The following NAV3 variants were observed in gnomAD, a reference collection of about 807,000 sequenced individuals.
NAV3 encodes the protein pore membrane and/or filament interacting like protein 1.
Under a neutral mutation model 244.7 loss-of-function variants are expected in NAV3, and 87 were observed. That is an observed-to-expected ratio of 0.36 (90% confidence interval 0.30 to 0.42). The LOEUF (loss-of-function observed/expected upper bound fraction) is 0.42, where lower values mean the gene tolerates loss of function less well. NAV3 is among the 20% of genes least tolerant of loss of function. The probability of loss-of-function intolerance (pLI) is 1.00; values close to 1 mark genes in which losing one functional copy is unlikely to be tolerated. For synonymous variants in NAV3, 1,126 were observed against 1,042.2 expected, an observed-to-expected ratio of 1.08 and a Z score of -1.55; for missense variants, 2,663 against 2,893.3, an observed-to-expected ratio of 0.92 and a Z score of 1.83.
chr12:77,880,430 C>A (rs964691672), intron 1 of NAV3, among the ~76,000 whole-genome samples: 1 of 152,018 alleles, frequency 6.6e-6, no homozygotes, highest in East Asian at 1.9e-4. Flanking sequence ...AAGCAGAAAT[C>A]CTTTGAACTA....
At chr12:78,101,939 T>C (rs1321874268) in intron 12 of NAV3, among the ~76,000 whole-genome samples, 1 of 152,218 alleles carries the variant, frequency 6.6e-6, no homozygotes, top group Non-Finnish European at 1.5e-5. Context: ...AAAGTATATC[T>C]CTTTCTTGGT....
At chr12:77,812,473 C>T (rs7980642) in intron 2 of NAV3, among the ~76,000 whole-genome samples, 38,105 of 150,878 alleles carry the variant, frequency 0.25, 5,868 homozygotes, top group East Asian at 0.4. Context: ...TGCAGTGTGG[C>T]ACTATCTCGG....
chr12:77,821,213 C>G (rs1250746408), intron 2 of NAV3, among the ~76,000 whole-genome samples: 1 of 151,904 alleles, frequency 6.6e-6, no homozygotes, highest in African/African-American at 2.4e-5. Flanking sequence ...CTGGGTGGTT[C>G]CTAGAAAGGA....
intron 1 of NAV3, among the ~76,000 whole-genome samples, chr12:77,923,604 A>G (rs991476467): frequency 6.6e-6 from 1 of 152,092 alleles, no homozygotes; most frequent in Non-Finnish European, 1.5e-5. Context: ...AAACAAAATG[A>G]CCTATTTGTA....
chr12:77,988,405 T>C (rs1446584886), intron 5 of NAV3, among the ~76,000 whole-genome samples: 1 of 152,212 alleles, frequency 6.6e-6, no homozygotes. Flanking sequence ...ACACTGAAGC[T>C]GAAATAGGAA....
At chr12:78,064,450 C>T (rs950072312) in intron 12 of NAV3, among the ~76,000 whole-genome samples, 1 of 151,606 alleles carries the variant, frequency 6.6e-6, no homozygotes, top group African/African-American at 2.4e-5. Context: ...TGCCTGCCTG[C>T]CTGCCTGCCT....
intron 28 of NAV3, 135 bp downstream of exon 28, chr12:78,177,820 A>T: frequency 1.2e-6 from 1 of 823,520 alleles, no homozygotes; most frequent in East Asian, 2.9e-5. Flanking sequence ...TTTCAACTAA[A>T]ATTTGGTTTC....
chr12:77,634,522 A>G (rs1188387676), intron 2 of NAV3, among the ~76,000 whole-genome samples: 1 of 152,216 alleles, frequency 6.6e-6, no homozygotes, highest in Non-Finnish European at 1.5e-5. Context: ...TGTAAGCAAG[A>G]TGGTTATAAA....
At chr12:77,709,893 A>T (rs919383706) in intron 2 of NAV3, among the ~76,000 whole-genome samples, 16 of 152,188 alleles carry the variant, frequency 1.1e-4, no homozygotes, top group Admixed American at 4.6e-4. Flanking sequence ...ATCTCTGTGC[A>T]GTCCGCCAGC....
At chr12:77,717,385 G>T (rs768690137) in intron 2 of NAV3, among the ~76,000 whole-genome samples, 2 of 151,956 alleles carry the variant, frequency 1.3e-5, no homozygotes, top group Non-Finnish European at 2.9e-5. Context: ...TTGTCCTTAA[G>T]CAACTGGCTT....
At chr12:77,847,579 T>G (rs2136220182) in intron 1 of NAV3, among the ~76,000 whole-genome samples, 1 of 152,336 alleles carries the variant, frequency 6.6e-6, no homozygotes, top group Non-Finnish European at 1.5e-5. Context: ...GTGCCCCAGG[T>G]GCTGACTTTA....
chr12:77,818,720 C>G (rs899454461), intron 2 of NAV3, among the ~76,000 whole-genome samples: 3 of 152,066 alleles, frequency 2.0e-5, no homozygotes, highest in African/African-American at 7.2e-5. Flanking sequence ...AAACGCATAA[C>G]AAATTACCGC....
intron 12 of NAV3, among the ~76,000 whole-genome samples, chr12:78,082,387 T>C (rs1953402775): frequency 6.6e-6 from 1 of 152,216 alleles, no homozygotes; most frequent in Admixed American, 6.5e-5. Context: ...ATTTTGTCAA[T>C]TTATCACCCG....
chr12:77,863,875 T>A (rs1879623521), intron 1 of NAV3, among the ~76,000 whole-genome samples: 1 of 151,952 alleles, frequency 6.6e-6, no homozygotes, highest in African/African-American at 2.4e-5. Flanking sequence ...TCATTCTTTG[T>A]TTTTATAATA....
intron 2 of NAV3, among the ~76,000 whole-genome samples, chr12:77,803,140 C>G (rs1871799029): frequency 6.6e-6 from 1 of 152,086 alleles, no homozygotes; most frequent in South Asian, 2.1e-4. Flanking sequence ...GCAGAACGTG[C>G]ATGTTTGTTA....
intron 20 of NAV3, 40 bp from the exon 21 acceptor site, chr12:78,146,329 A>C (rs1357867068): frequency 2.2e-6 from 2 of 910,104 alleles, no homozygotes. Context: ...AATTGAAAAT[A>C]GTTTTTATAG....
intron 38 of NAV3, among the ~76,000 whole-genome samples, chr12:78,201,436 A>C (rs559875775): frequency 6.6e-5 from 10 of 151,986 alleles, no homozygotes; most frequent in Non-Finnish European, 1.3e-4. Context: ...AAATTCTAAG[A>C]GAGTCAGTTG....
chr12:77,741,148 C>CAAAAAAAAAAAAAAAAAAAAAGAA, intron 2 of NAV3, among the ~76,000 whole-genome samples: 2 of 68,664 alleles, frequency 2.9e-5, no homozygotes, highest in Non-Finnish European at 5.3e-5. Context: ...AAAAAAAAGA[C>CAAAAAAAAAAAAAAAAAAAAAGAA]AAAAAAAAAA....
At chr12:78,153,760 G>T (rs1351267880) in intron 22 of NAV3, among the ~76,000 whole-genome samples, 1 of 151,826 alleles carries the variant, frequency 6.6e-6, no homozygotes, top group Admixed American at 6.6e-5. Context: ...AAAATCTCTT[G>T]GGTATTTTGA....
Sources: allele counts gnomAD v4.1 joint callset (sites outside exome capture counted in the v4.1 genomes callset), GRCh38; gene constraint gnomAD v4.1.1; transcripts MANE v1.5; gene names NCBI Gene and HGNC (gene_info 2026-07-23, HGNC 2026-07-21).